Variants in BCL7B observed in about 807,000 individuals in gnomAD.
BCL7B encodes the protein BAF chromatin remodeling complex subunit BCL7B, also known as B-cell CLL/lymphoma 7 protein family member B.
Under a neutral mutation model 26.5 loss-of-function variants are expected in BCL7B, and 11 were observed. The ratio of observed to expected loss-of-function variants is 0.42; its 90% CI spans 0.26 to 0.69. BCL7B has a LOEUF of 0.69. Among genes scored for constraint, BCL7B ranks in the 30% least tolerant of loss-of-function variants. BCL7B has a pLI of 0.28. For synonymous variants in BCL7B, 111 were observed against 107.9 expected, an observed-to-expected ratio of 1.03 and a Z score of -0.18; for missense variants, 215 against 264.4, an observed-to-expected ratio of 0.81 and a Z score of 1.30.
chr7:73,555,724 A>G (rs1554584645), intron 1 of BCL7B, among the ~76,000 whole-genome samples: 1 of 152,206 alleles, frequency 6.6e-6, no homozygotes, highest in Non-Finnish European at 1.5e-5. Context: ...AAGCATTACT[A>G]GGGGTGCTAG....
intron 3 of BCL7B, among the ~76,000 whole-genome samples, chr7:73,540,779 G>A (rs572286613): frequency 7.6e-6 from 1 of 130,752 alleles, no homozygotes; most frequent in African/African-American, 2.9e-5. Flanking sequence ...GCAGTGAGCC[G>A]AGATCGCGCC....
intron 4 of BCL7B, 21 bp downstream of exon 4, chr7:73,539,861 C>T (rs1791689161): frequency 1.2e-6 from 2 of 1,607,698 alleles, no homozygotes; most frequent in South Asian, 1.1e-5. Flanking sequence ...GGAAACTCAT[C>T]CTCGGCCAAC....
chr7:73,554,046 C>A (rs908361744), intron 1 of BCL7B, among the ~76,000 whole-genome samples: 1 of 150,534 alleles, frequency 6.6e-6, no homozygotes, highest in Non-Finnish European at 1.5e-5. Context: ...CCACTCCTTG[C>A]GGCCTCAAAA....
intron 1 of BCL7B, among the ~76,000 whole-genome samples, chr7:73,556,355 C>T (rs979437191): frequency 6.6e-6 from 1 of 151,954 alleles, no homozygotes. Context: ...CTTTTATTTT[C>T]TGTAGAGACG....
intron 1 of BCL7B, among the ~76,000 whole-genome samples, chr7:73,556,873 G>A: frequency 6.6e-6 from 1 of 152,222 alleles, no homozygotes; most frequent in Middle Eastern, 3.2e-3. Context: ...TTAGAGGGAG[G>A]CTGGTACATA....
At position 73,549,806 on chromosome 7, in the gene BCL7B, G is replaced by A. The variant is rs781860035; in HGVS notation, c.168+2361C>T. Among the ~76,000 whole-genome samples the A allele has an allele frequency of 3.3e-5, 5 of 152,126 alleles. 1 individual carries two copies. The South Asian group carries it at 6.2e-4, about 19-fold the overall frequency. ...GATCATGACACTGCACTCCAGCTTC[G>A]GTGACATAGTGAGATTTTGTCTCTG... is the stretch of plus-strand genomic sequence containing the variant. On this transcript the variant is annotated intron_variant, in intron 2 of 5. Transcript: ENST00000223368.
chr7:73,544,376 G>A (rs142234887), intron 2 of BCL7B, among the ~76,000 whole-genome samples: 141 of 151,656 alleles, frequency 9.3e-4, no homozygotes, highest in Non-Finnish European at 1.7e-3. Context: ...TGGCACTACT[G>A]CACTCCAGCC....
chr7:73,552,908 T>C (rs552405057), intron 1 of BCL7B, among the ~76,000 whole-genome samples: 1 of 152,254 alleles, frequency 6.6e-6, no homozygotes. Context: ...ATGAGTTCTA[T>C]TACTACATTC....
chr7:73,557,248 CG>C, intron 1 of BCL7B: 1 of 1,104,658 alleles, frequency 9.1e-7, no homozygotes, highest in Non-Finnish European at 1.1e-6. Flanking sequence ...CCCTCCCAGG[CG>C]GCGCGCGGCA....
chr7:73,552,468 C>T (rs957178105), intron 1 of BCL7B, among the ~76,000 whole-genome samples: 2 of 151,272 alleles, frequency 1.3e-5, no homozygotes, highest in Non-Finnish European at 1.5e-5. Flanking sequence ...GGCAATTTAG[C>T]GAGACCTCAT....
In BCL7B at chr7:73,539,755, G is replaced by A. The variant is rs546371153; in HGVS notation, c.436+127C>T. On this transcript the variant is annotated intron_variant, in intron 4 of 5. Transcript: ENST00000223368. ...AAACTATAATCATTCCTAAGCTATCGAGAAAGGGCTTGGTGCTGCCTGGCT... is the reference window on the plus strand; with the variant it reads ...AAACTATAATCATTCCTAAGCTATCAAGAAAGGGCTTGGTGCTGCCTGGCT... The A allele has an allele frequency of 1.6e-5, 18 of 1,105,070 alleles. No individual in the cohort carries two copies. In the Admixed American group the frequency reaches 2.1e-4, roughly 13 times the overall value. The allele number at this position is 1,105,070 out of a possible 1,614,324, so 68.5% of individuals were successfully genotyped here. A position where few individuals can be genotyped will look rare whatever the true frequency, so the allele number is the denominator to read the frequency against.
At chr7:73,550,679 A>G (rs1174442881) in intron 2 of BCL7B, among the ~76,000 whole-genome samples, 2 of 148,166 alleles carry the variant, frequency 1.3e-5, no homozygotes, top group African/African-American at 5.0e-5. Context: ...TTTTTTTGAG[A>G]TGGAGTCTCA....
chr7:73,555,953 T>G (rs1792344128), intron 1 of BCL7B, among the ~76,000 whole-genome samples: 1 of 151,728 alleles, frequency 6.6e-6, no homozygotes, highest in Non-Finnish European at 1.5e-5. Context: ...ATGAACAGAC[T>G]GGGGAATGAG....
At position 73,537,943 on chromosome 7, in the gene BCL7B, T is replaced by C. The variant is rs782229556; in HGVS notation, c.507A>G (p.Leu169=). The C allele has an allele frequency of 4.4e-6, 7 of 1,595,016 alleles. No individual in the cohort carries two copies. The highest frequency in any genetic ancestry group is 5.1e-6 in the Non-Finnish European group (6 of 1,172,450). ...CAAAGTGATTGCTTACCTGTGTCTCTAGTGGAACTGGTTCTTCCTTGGTGA... is the reference window on the plus strand; with the variant it reads ...CAAAGTGATTGCTTACCTGTGTCTCCAGTGGAACTGGTTCTTCCTTGGTGA... ...PTLTKEEPVP[L]ETQVVEEEED... The change falls in exon 5 of 6, where the codon CTA becomes CTG. Residue 169 remains leucine, a synonymous_variant. Transcript: ENST00000223368.
chr7:73,537,847 C>T, intron 5 of BCL7B, 87 bp downstream of exon 5: 2 of 919,822 alleles, frequency 2.2e-6, no homozygotes, highest in Non-Finnish European at 3.3e-6. Context: ...GCCAGGATCG[C>T]ACCACTGCAC....
chr7:73,540,186 G>A (rs545658508), intron 3 of BCL7B, 134 bp from the exon 4 acceptor site: 147 of 910,546 alleles, frequency 1.6e-4, no homozygotes, highest in Middle Eastern at 1.1e-3. Context: ...CATTGTGCCC[G>A]GCCTACACGA....
chr7:73,557,254 G>C, intron 1 of BCL7B: 1 of 1,111,186 alleles, frequency 9.0e-7, no homozygotes. Flanking sequence ...CAGGCGGCGC[G>C]CGGCAGCAGC....
At chr7:73,542,832 T>C in intron 3 of BCL7B, 1 of 445,150 alleles carries the variant, frequency 2.2e-6, no homozygotes, top group Non-Finnish European at 4.5e-6. Flanking sequence ...GCTTGTACCT[T>C]GGGAGGTCAA....
chr7:73,543,898 C>A, intron 2 of BCL7B: 2 of 402,578 alleles, frequency 5.0e-6, no homozygotes, highest in South Asian at 2.5e-5. Context: ...TACACTTCGA[C>A]TAGAACATCC....
Sources: allele counts gnomAD v4.1 joint callset (sites outside exome capture counted in the v4.1 genomes callset), GRCh38; gene constraint gnomAD v4.1.1; transcripts MANE v1.5; gene names NCBI Gene and HGNC (gene_info 2026-07-23, HGNC 2026-07-21).